The following CATSPERB variants were observed in gnomAD, a reference collection of about 807,000 sequenced individuals.
CATSPERB encodes cation channel sperm-associated auxiliary subunit beta.
In CATSPERB, 93 loss-of-function variants were observed where a neutral mutation model predicts 128.3. That is an observed-to-expected ratio of 0.72 (90% CI 0.61 to 0.86). The LOEUF is 0.86. Among genes scored for constraint, CATSPERB ranks in the 40% least tolerant of loss-of-function variants. The pLI is 0.00. For missense variants in CATSPERB, 1,153 were observed against 1,329.5 expected (o/e 0.87, Z 2.06); for synonymous variants, 381 against 448.8 (o/e 0.85, Z 1.91).
chr14:91,603,430 C>G, intron 22 of CATSPERB: 1 of 1,585,358 alleles, frequency 6.3e-7, no homozygotes, highest in Non-Finnish European at 8.7e-7. Context: ...TTATTCCCAG[C>G]CATCAGAACT....
chr14:91,666,592 G>A (rs1894987694), intron 14 of CATSPERB, among the ~76,000 whole-genome samples: 1 of 152,222 alleles, frequency 6.6e-6, no homozygotes, highest in Admixed American at 6.5e-5. Context: ...AGAAGTTGAT[G>A]TAGTAGCAAA....
At chr14:91,728,372 C>A (rs913636941) in intron 2 of CATSPERB, among the ~76,000 whole-genome samples, 16 of 152,184 alleles carry the variant, frequency 1.1e-4, no homozygotes, top group African/African-American at 3.9e-4. Flanking sequence ...GTCTCAGCCT[C>A]CCAAAGTGCT....
chr14:91,719,183 G>A (rs1253532901), intron 5 of CATSPERB, among the ~76,000 whole-genome samples: 2 of 152,040 alleles, frequency 1.3e-5, no homozygotes, highest in African/African-American at 4.8e-5. Flanking sequence ...TAATATAAAT[G>A]TTGTATATGT....
intron 9 of CATSPERB, 147 bp downstream of exon 9, chr14:91,692,979 G>A: frequency 1.7e-6 from 1 of 604,098 alleles, no homozygotes; most frequent in South Asian, 2.5e-5. Flanking sequence ...AAAGGAAAAA[G>A]TTACTGTATT....
At chr14:91,655,256 A>G (rs1256313715) in intron 15 of CATSPERB, among the ~76,000 whole-genome samples, 1 of 152,162 alleles carries the variant, frequency 6.6e-6, no homozygotes, top group Admixed American at 6.6e-5. Context: ...ATAAATACCA[A>G]ACTCTTTAAT....
At chr14:91,706,444 A>G (rs1895734234) in intron 6 of CATSPERB, among the ~76,000 whole-genome samples, 1 of 152,202 alleles carries the variant, frequency 6.6e-6, no homozygotes, top group Non-Finnish European at 1.5e-5. Flanking sequence ...GTCAGGTAGT[A>G]TATCTTAAGC....
intron 23 of CATSPERB, among the ~76,000 whole-genome samples, chr14:91,589,959 A>G (rs1363983793): frequency 6.6e-6 from 1 of 152,166 alleles, no homozygotes; most frequent in Admixed American, 6.6e-5. Context: ...ATATCCCAGG[A>G]GGCTGTGCAT....
chr14:91,705,472 C>T (rs545878006), intron 6 of CATSPERB, among the ~76,000 whole-genome samples: 1 of 152,162 alleles, frequency 6.6e-6, no homozygotes, highest in East Asian at 1.9e-4. Flanking sequence ...AGAGGTGAAG[C>T]ATCTCCAATG....
chr14:91,697,517 CA>C (rs1432923358), intron 7 of CATSPERB, among the ~76,000 whole-genome samples: 10 of 152,146 alleles, frequency 6.6e-5, no homozygotes, highest in African/African-American at 2.2e-4. Context: ...AGAGTTTAAT[CA>C]TTTACATCTT....
At chr14:91,705,626 G>A (rs1396212713) in intron 6 of CATSPERB, among the ~76,000 whole-genome samples, 7 of 152,196 alleles carry the variant, frequency 4.6e-5, no homozygotes, top group Admixed American at 4.6e-4. Flanking sequence ...AGTTTGTGGG[G>A]CTTTGAATAT....
intron 20 of CATSPERB, among the ~76,000 whole-genome samples, chr14:91,614,191 C>T (rs61988699): frequency 0.12 from 17,527 of 152,170 alleles, 1,105 homozygotes; most frequent in Non-Finnish European, 0.14. Flanking sequence ...TATATTGTCA[C>T]CTCCATTTTA....
At chr14:91,610,930 A>G (rs1485259289) in intron 20 of CATSPERB, among the ~76,000 whole-genome samples, 1 of 151,842 alleles carries the variant, frequency 6.6e-6, no homozygotes, top group Non-Finnish European at 1.5e-5. Flanking sequence ...AGGGGCAACC[A>G]TATGAGGACA....
In CATSPERB at chr14:91,707,766, C is replaced by CT. The variant is rs76649759; in HGVS notation, c.466+374dup. Among the ~76,000 whole-genome samples the CT allele has an allele frequency of 7.4e-3, 951 of 128,060 alleles. 17 individuals carry two copies. The highest frequency in any genetic ancestry group is 0.021 in the African/African-American group (724 of 34,946). 84.0% of individuals were successfully genotyped at this position (128,060 alleles called of 152,430 possible). ...GATGTGCATCACCATGCCTGGTTAA[C>CT]TTTTTTTTTTTTTTTTTTTAAGTAG... is the stretch of plus-strand genomic sequence containing the variant. On this transcript the variant is annotated intron_variant, in intron 6 of 26. Transcript: ENST00000256343.
At chr14:91,583,429 AT>A (rs1375111682) in intron 26 of CATSPERB, among the ~76,000 whole-genome samples, 117 of 151,944 alleles carry the variant, frequency 7.7e-4, no homozygotes, top group Admixed American at 2.7e-3. Context: ...AAAAAAAAAA[AT>A]TTTCACTTGC....
chr14:91,614,330 CT>C (rs1330104430), intron 20 of CATSPERB, among the ~76,000 whole-genome samples: 10 of 152,260 alleles, frequency 6.6e-5, no homozygotes, highest in African/African-American at 2.4e-4. Context: ...TCTACACTGC[CT>C]TTTTAAATAC....
At chr14:91,699,504 T>C (rs1895612364) in intron 7 of CATSPERB, among the ~76,000 whole-genome samples, 1 of 152,026 alleles carries the variant, frequency 6.6e-6, no homozygotes, top group Non-Finnish European at 1.5e-5. Context: ...AAGAATAACA[T>C]TTCTTGATTT....
intron 7 of CATSPERB, among the ~76,000 whole-genome samples, chr14:91,698,403 G>T (rs1895597114): frequency 6.6e-6 from 1 of 152,144 alleles, no homozygotes. Context: ...TTGCCTGATT[G>T]CTCTGGCTAG....
chr14:91,719,536 C>T (rs955949965), intron 4 of CATSPERB, 58 bp from the exon 5 acceptor site: 1 of 1,255,904 alleles, frequency 8.0e-7, no homozygotes, highest in Non-Finnish European at 1.2e-6. Context: ...CAACACATCA[C>T]ATTCTATGCT....
chr14:91,614,637 C>G (rs1893901368), intron 20 of CATSPERB, among the ~76,000 whole-genome samples: 1 of 151,652 alleles, frequency 6.6e-6, no homozygotes, highest in Admixed American at 6.6e-5. Context: ...TCCATCTTTA[C>G]TAAAAACACA....
Sources: gnomAD v4.1 joint callset for allele counts (sites outside exome capture counted in the v4.1 genomes callset) on GRCh38, gnomAD v4.1.1 for gene constraint, MANE v1.5 for transcripts, NCBI Gene and HGNC (gene_info 2026-07-23, HGNC 2026-07-21) for gene names.